The following PCDHGA9 variants were observed in gnomAD, a reference collection of about 807,000 sequenced individuals.
The protein encoded by PCDHGA9 is protocadherin gamma-A9.
Under a neutral mutation model 62.5 loss-of-function variants are expected in PCDHGA9, and 37 were observed. The ratio of observed to expected loss-of-function variants is 0.59; its 90% CI spans 0.46 to 0.78. The LOEUF is 0.78. PCDHGA9 is among the 30% of genes least tolerant of loss of function. The pLI, the probability that PCDHGA9 is intolerant of heterozygous loss-of-function variation, is 0.00. For missense variants in PCDHGA9, 1,138 were observed against 1,166.2 expected, an observed-to-expected ratio of 0.98 and a Z score of 0.35; for synonymous variants, 459 against 484.6, an observed-to-expected ratio of 0.95 and a Z score of 0.69.
At chr5:141,421,776 G>A in intron 1 of PCDHGA9, 5 of 1,613,876 alleles carry the variant, frequency 3.1e-6, no homozygotes, top group Non-Finnish European at 3.4e-6. Context: ...CCTTGCAACT[G>A]CGGGGCAGAA....
chr5:141,449,943 C>G (rs1561937416), intron 1 of PCDHGA9, among the ~76,000 whole-genome samples: 1 of 151,186 alleles, frequency 6.6e-6, no homozygotes, highest in African/African-American at 2.4e-5. Flanking sequence ...GTATATTTTA[C>G]TATACCTCAT....
rs374253072 is a variant in PCDHGA9, at chr5:141,476,894, G to A, written c.2425-17913G>A. ...GCGCGTCCTGGAGGATGCACCCTCCGGCACGCGCGTGGTACAAGTCCTTGC... is the reference window on the plus strand; with the variant it reads ...GCGCGTCCTGGAGGATGCACCCTCCAGCACGCGCGTGGTACAAGTCCTTGC... On this transcript the variant is annotated intron_variant, in intron 1 of 3. Transcript: ENST00000573521. The surrounding 1 kb of genome is among the most constrained non-coding windows in gnomAD (Gnocchi z 7.6). 48 of 1,613,834 alleles carry A rather than the reference G, an allele frequency of 3.0e-5. No homozygotes were observed. In the African/African-American group the frequency reaches 5.6e-4, roughly 19 times the overall value.
In PCDHGA9 at chr5:141,489,610, C is replaced by A; in HGVS notation, c.2425-5197C>A. 6.2e-7 allele frequency: 1 copy of A among 1,614,090 alleles called. No individual in the cohort carries two copies. Among genetic ancestry groups the A allele is most frequent in the Non-Finnish European group, 8.5e-7 (1 of 1,179,990 alleles). ...GCTAATCCGTGTAGAGGTAGAGATCCTGGATCTCAATGACAACTCTCCTAG... is the reference window on the plus strand; with the variant it reads ...GCTAATCCGTGTAGAGGTAGAGATCATGGATCTCAATGACAACTCTCCTAG... On this transcript the variant is annotated intron_variant, in intron 1 of 3. Transcript: ENST00000573521. The surrounding 1 kb of genome is among the most constrained non-coding windows in gnomAD (Gnocchi z 4.5).
chr5:141,464,530 T>C (rs375523203), intron 1 of PCDHGA9, among the ~76,000 whole-genome samples: 1 of 152,108 alleles, frequency 6.6e-6, no homozygotes, highest in African/African-American at 2.4e-5. Flanking sequence ...TATGTAGTTT[T>C]GTTAAATATA....
At position 141,414,898 on chromosome 5, in the gene PCDHGA9, G is replaced by A. The variant is rs1369274783; in HGVS notation, c.2424+9522G>A. On this transcript the variant is annotated intron_variant, in intron 1 of 3. Coordinates refer to ENST00000573521, the MANE Select transcript of PCDHGA9 (RefSeq NM_018921.3). ...CCTGTACCCCGCCCTCCCCACAGAC[G>A]GTTCCACAGGCGTGGAGCTGGCGCC... is the stretch of plus-strand genomic sequence containing the variant. 2.5e-6 allele frequency: 4 copies of A among 1,614,190 alleles called. No individual in the cohort carries two copies. Among genetic ancestry groups the A allele is most frequent in the Admixed American group, 1.7e-5 (1 of 60,028 alleles).
intron 1 of PCDHGA9, among the ~76,000 whole-genome samples, chr5:141,465,130 AAG>A (rs1277023430): frequency 2.6e-5 from 4 of 151,968 alleles, no homozygotes; most frequent in Non-Finnish European, 5.9e-5. Flanking sequence ...AATTTGTAAA[AAG>A]TTTAGGGGAT....
At chr5:141,426,720 A>T (rs1448232477) in intron 1 of PCDHGA9, 4 of 447,600 alleles carry the variant, frequency 8.9e-6, no homozygotes, top group Non-Finnish European at 1.8e-5. Flanking sequence ...TGAACTAGCA[A>T]TTCCAGGCAT....
chr5:141,427,129 T>A lies in PCDHGA9; in HGVS notation c.2424+21753T>A, dbSNP rs752552669. ...GAGATCACCTACTCTTTCAAATCCC[T>A]ACGAGATGATATTGGAAATATGTTT... On this transcript the variant is annotated intron_variant, in intron 1 of 3. Coordinates refer to ENST00000573521, the MANE Select transcript of PCDHGA9 (RefSeq NM_018921.3). 125 of 457,106 alleles carry A rather than the reference T, an allele frequency of 2.7e-4. 2 individuals are homozygous for A. Among genetic ancestry groups the A allele is most frequent in the Non-Finnish European group, 4.0e-5 (9 of 227,024 alleles). The allele number at this position is 457,106 out of a possible 1,614,324, so 28.3% of individuals were successfully genotyped here.
At chr5:141,448,707 G>A (rs1455790773) in intron 1 of PCDHGA9, among the ~76,000 whole-genome samples, 4 of 152,228 alleles carry the variant, frequency 2.6e-5, no homozygotes, top group South Asian at 2.1e-4. Flanking sequence ...TTGGGAGGCC[G>A]AGGCGGGAGG....
intron 1 of PCDHGA9, chr5:141,422,893 C>T (rs1405800318): frequency 3.1e-6 from 5 of 1,614,128 alleles, no homozygotes; most frequent in Admixed American, 3.3e-5. Flanking sequence ...CGTGCTGGAC[C>T]AGAACGACAA....
At chr5:141,418,800 GAT>G (rs777421725) in intron 1 of PCDHGA9, 1 of 1,613,800 alleles carries the variant, frequency 6.2e-7, no homozygotes, top group Non-Finnish European at 8.5e-7. Flanking sequence ...GAAGTAGAAA[GAT>G]ATACGATAAA....
chr5:141,405,609 G>A, intron 1 of PCDHGA9: 1 of 562,334 alleles, frequency 1.8e-6, no homozygotes. Context: ...AGAATAACTG[G>A]GACTACAGGC....
At chr5:141,474,062 C>A (rs745636246) in intron 1 of PCDHGA9, among the ~76,000 whole-genome samples, 2 of 152,104 alleles carry the variant, frequency 1.3e-5, no homozygotes, top group Non-Finnish European at 2.9e-5. Context: ...AGAGCGAGAT[C>A]CTGCCTCAGA....
rs532502013 is a variant in PCDHGA9 at position 141,404,723 on chromosome 5, G to A, written c.1771G>A (p.Val591Met). 3.1e-6 allele frequency: 5 copies of A among 1,614,094 alleles called. No individual in the cohort carries two copies. Among genetic ancestry groups the A allele is most frequent in the Middle Eastern group, 1.6e-4 (1 of 6,062 alleles). Residue 591 changes from valine to methionine, a missense_variant, in exon 1 of 4, where the codon GTG (valine) becomes ATG (methionine). Coordinates refer to ENST00000573521, the MANE Select transcript of PCDHGA9 (RefSeq NM_018921.3). ...SAEPGYLVTK[V>M]VAVDRDSGQN... ...AGAGCCTGGCTACCTGGTGACCAAG[G>A]TGGTGGCAGTGGACAGAGACTCAGG...
intron 1 of PCDHGA9, among the ~76,000 whole-genome samples, chr5:141,475,341 C>T (rs1306106224): frequency 6.6e-6 from 1 of 152,162 alleles, no homozygotes; most frequent in Non-Finnish European, 1.5e-5. Context: ...CAATGACATC[C>T]AGTTTTAAAA....
intron 2 of PCDHGA9, among the ~76,000 whole-genome samples, chr5:141,500,311 C>T (rs2099799036): frequency 2.0e-5 from 3 of 152,072 alleles, no homozygotes; most frequent in African/African-American, 7.2e-5. Context: ...CAGGTTCACG[C>T]CATGCTCCTG....
chr5:141,410,251 C>A (rs2095372140), intron 1 of PCDHGA9: 5 of 1,613,898 alleles, frequency 3.1e-6, no homozygotes, highest in African/African-American at 1.3e-5. Context: ...TACTCTCTGA[C>A]CCCCAGGCTG....
intron 1 of PCDHGA9, chr5:141,423,253 C>T (rs750278899): frequency 6.2e-7 from 1 of 1,613,916 alleles, no homozygotes; most frequent in Non-Finnish European, 8.5e-7. Flanking sequence ...CCTGGCGGAC[C>T]TCGGCAGCCT....
rs1467261705 is a variant in PCDHGA9, at chr5:141,417,640, C to G, written c.2424+12264C>G. 6.6e-6 allele frequency: 5 copies of G among 761,360 alleles called. No homozygotes were observed. The African/African-American group carries it at 8.8e-5, about 13-fold the overall frequency. 47.2% of individuals were successfully genotyped at this position (761,360 alleles called of 1,614,324 possible). A position where few individuals can be genotyped will look rare whatever the true frequency, so the allele number is the denominator to read the frequency against. On this transcript the variant is annotated intron_variant, in intron 1 of 3. Coordinates refer to ENST00000573521, the MANE Select transcript of PCDHGA9 (RefSeq NM_018921.3). ...AGAGCAAGCGCTGACGCCGGGGATC[C>G]CTCAGCCTCTAGCCTGGGATTCCCT...
Sources: allele counts gnomAD v4.1 joint callset (sites outside exome capture counted in the v4.1 genomes callset), GRCh38; gene constraint gnomAD v4.1.1; non-coding constraint Gnocchi (gnomAD v3.1); transcripts MANE v1.5; gene names NCBI Gene and HGNC (gene_info 2026-07-23, HGNC 2026-07-21).